Variants in GRIP1 observed in about 807,000 individuals in gnomAD.
GRIP1 encodes glutamate receptor interacting protein 1.
A neutral mutation model predicts 129.9 loss-of-function variants in GRIP1; 45 were observed. That is an observed-to-expected ratio of 0.35 (90% CI 0.27 to 0.44). The LOEUF (loss-of-function observed/expected upper bound fraction) is 0.44, where lower values mean the gene tolerates loss of function less well. Ranked by LOEUF, GRIP1 falls within the 20% of genes least tolerant of loss-of-function variation. GRIP1 has a pLI of 1.00. For missense variants in GRIP1, 1,196 were observed against 1,396.8 expected, an observed-to-expected ratio of 0.86 and a Z score of 2.29; for synonymous variants, 530 against 520.8, an observed-to-expected ratio of 1.02 and a Z score of -0.24.
chr12:67,009,381 A>G (rs1374795982), intron 1 of GRIP1, among the ~76,000 whole-genome samples: 1 of 152,170 alleles, frequency 6.6e-6, no homozygotes, highest in Non-Finnish European at 1.5e-5. Context: ...CCACGCATTC[A>G]ACTCATCTGA....
chr12:66,393,279 A>G (rs1007696000), intron 17 of GRIP1, among the ~76,000 whole-genome samples: 1 of 148,982 alleles, frequency 6.7e-6, no homozygotes, highest in African/African-American at 2.5e-5. Context: ...CCCGGGTTCA[A>G]GCAATTCTCC....
chr12:66,379,530 C>T lies in GRIP1; in HGVS notation c.2465-94G>A, dbSNP rs147595309. The T allele has an allele frequency of 1.5e-3, 1,845 of 1,214,046 alleles. 7 individuals are homozygous for T. The highest frequency in any genetic ancestry group is 2.0e-3 in the Non-Finnish European group (1,617 of 817,132). The allele number at this position is 1,214,046 out of a possible 1,614,324, so 75.2% of individuals were successfully genotyped here. On this transcript the variant is annotated intron_variant, in intron 19 of 24. Coordinates refer to ENST00000359742, the MANE Select transcript of GRIP1 (RefSeq NM_001366722.1). ...AACCAGTAGAGGAGTCAAATTATAA[C>T]GGCAATGACAATAACAATAGTGAAC...
chr12:66,488,542 A>G (rs1043107478), intron 7 of GRIP1, among the ~76,000 whole-genome samples: 5 of 152,214 alleles, frequency 3.3e-5, no homozygotes, highest in Non-Finnish European at 7.4e-5. Context: ...CAAGTTAACA[A>G]CCTAACATCA....
chr12:66,807,882 G>A (rs983683824), upstream of GRIP1, among the ~76,000 whole-genome samples: 13 of 151,746 alleles, frequency 8.6e-5, no homozygotes, highest in Non-Finnish European at 1.5e-4. Flanking sequence ...ATGTGAGAAC[G>A]GACTAATACA....
intron 7 of GRIP1, among the ~76,000 whole-genome samples, chr12:66,497,826 C>G (rs566530588): frequency 6.6e-6 from 1 of 152,118 alleles, no homozygotes; most frequent in Non-Finnish European, 1.5e-5. Flanking sequence ...GTGACTTGCA[C>G]GTATACGCCC....
intron 1 of GRIP1, among the ~76,000 whole-genome samples, chr12:66,850,656 C>G (rs2039894580): frequency 6.6e-6 from 1 of 151,988 alleles, no homozygotes; most frequent in African/African-American, 2.4e-5. Context: ...CAGATACACT[C>G]CTACAAGGGG....
chr12:66,983,659 TAG>T (rs1175416009), intron 1 of GRIP1, among the ~76,000 whole-genome samples: 1 of 152,190 alleles, frequency 6.6e-6, no homozygotes, highest in Non-Finnish European at 1.5e-5. Context: ...ACATATTTGA[TAG>T]AGTTGTATCT....
intron 1 of GRIP1, 106 bp downstream of exon 1, chr12:66,678,744 A>G: frequency 9.9e-7 from 1 of 1,013,560 alleles, no homozygotes; most frequent in East Asian, 2.5e-5. Context: ...TTGTTGCCTG[A>G]CAATAAATTG....
intron 15 of GRIP1, among the ~76,000 whole-genome samples, chr12:66,418,080 A>G (rs1002811657): frequency 2.0e-5 from 3 of 152,182 alleles, no homozygotes; most frequent in African/African-American, 7.2e-5. Context: ...GCACTGACAA[A>G]AAAACACACA....
At chr12:66,426,799 G>T (rs951967698) in intron 14 of GRIP1, among the ~76,000 whole-genome samples, 2 of 152,138 alleles carry the variant, frequency 1.3e-5, no homozygotes, top group African/African-American at 2.4e-5. Flanking sequence ...CCACTTGAAG[G>T]CTATTAAACT....
chr12:66,998,902 A>C (rs962068150), intron 1 of GRIP1, among the ~76,000 whole-genome samples: 1 of 152,164 alleles, frequency 6.6e-6, no homozygotes, highest in African/African-American at 2.4e-5. Flanking sequence ...TCTTTTAAAA[A>C]GTACGAGCAT....
intron 1 of GRIP1, among the ~76,000 whole-genome samples, chr12:66,922,943 G>T (rs1259432302): frequency 6.6e-6 from 1 of 152,140 alleles, no homozygotes; most frequent in Non-Finnish European, 1.5e-5. Flanking sequence ...TTCCATTTAA[G>T]ATCTAGCAAA....
intron 1 of GRIP1, among the ~76,000 whole-genome samples, chr12:66,730,595 C>T (rs895397042): frequency 6.7e-6 from 1 of 150,238 alleles, no homozygotes. Context: ...GGTAAGTTAC[C>T]CACAGAAGAT....
intron 1 of GRIP1, among the ~76,000 whole-genome samples, chr12:66,984,571 A>G (rs1235414484): frequency 6.6e-6 from 1 of 152,212 alleles, no homozygotes; most frequent in Non-Finnish European, 1.5e-5. Flanking sequence ...TAATTATATT[A>G]TGATTATCCC....
At chr12:66,521,687 C>T (rs889099062) in intron 5 of GRIP1, among the ~76,000 whole-genome samples, 1 of 152,172 alleles carries the variant, frequency 6.6e-6, no homozygotes, top group Non-Finnish European at 1.5e-5. Context: ...CGGGCGCGAG[C>T]CAAAGCAGGG....
At chr12:66,787,409 T>C (rs1365647548) in intron 1 of GRIP1, among the ~76,000 whole-genome samples, 1 of 152,186 alleles carries the variant, frequency 6.6e-6, no homozygotes, top group African/African-American at 2.4e-5. Flanking sequence ...AAAGAAGATG[T>C]TATCCTGTAC....
In GRIP1 at chr12:66,777,712, G is replaced by A. The variant is rs2038026776; in HGVS notation, c.-420+26341C>T. On this transcript the variant is annotated intron_variant, in intron 1 of 4. Coordinates refer to the GRIP1 transcript ENST00000538373. ...CATATATGTACACATACATGCAGAT[G>A]CACATGCATGCATACCTACACACAC... Among the ~76,000 whole-genome samples the A allele has an allele frequency of 2.0e-5, 3 of 152,054 alleles. No homozygotes were observed. The South Asian group carries it at 6.2e-4, about 32-fold the overall frequency.
At chr12:66,982,000 C>T (rs969709778) in intron 1 of GRIP1, among the ~76,000 whole-genome samples, 1 of 152,200 alleles carries the variant, frequency 6.6e-6, no homozygotes, top group Admixed American at 6.5e-5. Flanking sequence ...CTAGTTGCAG[C>T]TCCACTACAT....
intron 7 of GRIP1, among the ~76,000 whole-genome samples, chr12:66,481,623 AT>A (rs1193930377): frequency 1.3e-5 from 2 of 152,216 alleles, no homozygotes; most frequent in Middle Eastern, 6.3e-3. Flanking sequence ...ATTATAAATC[AT>A]TCTACTATAG....
Sources: gnomAD v4.1 joint callset for allele counts (sites outside exome capture counted in the v4.1 genomes callset) on GRCh38, gnomAD v4.1.1 for gene constraint, MANE v1.5 for transcripts, NCBI Gene and HGNC (gene_info 2026-07-23, HGNC 2026-07-21) for gene names.